Variants in MICAL2 observed in about 807,000 individuals in gnomAD.
The protein encoded by MICAL2 is [F-actin]-monooxygenase MICAL2.
A neutral mutation model predicts 127.3 loss-of-function variants in MICAL2; 77 were observed. The ratio of observed to expected loss-of-function variants is 0.60; its 90% CI spans 0.50 to 0.73. MICAL2 has a LOEUF of 0.73. Among genes scored for constraint, MICAL2 ranks in the 30% least tolerant of loss-of-function variants. MICAL2 has a pLI of 0.00. For missense variants in MICAL2, 1,351 were observed against 1,434.4 expected (o/e 0.94, Z 0.94); for synonymous variants, 570 against 551.1 (o/e 1.03, Z -0.48).
chr11:12,327,612 G>C (rs534825224), intron 32 of MICAL2, among the ~76,000 whole-genome samples: 23 of 152,178 alleles, frequency 1.5e-4, no homozygotes, highest in Non-Finnish European at 1.0e-4. Context: ...AGAAATATAT[G>C]GGTATTGGAG....
chr11:12,159,729 A>G (rs1248031495), intron 2 of MICAL2, among the ~76,000 whole-genome samples: 2 of 152,234 alleles, frequency 1.3e-5, no homozygotes, highest in Non-Finnish European at 2.9e-5. Context: ...AGATAGATAA[A>G]GACTGAGAAT....
At chr11:12,147,717 A>T (rs1296158248) in intron 2 of MICAL2, among the ~76,000 whole-genome samples, 1 of 152,342 alleles carries the variant, frequency 6.6e-6, no homozygotes. Flanking sequence ...TTCCCTTGGC[A>T]TCCACAGCAC....
chr11:12,224,842 GC>G, intron 13 of MICAL2, 22 bp downstream of exon 13: 1 of 1,594,554 alleles, frequency 6.3e-7, no homozygotes, highest in Non-Finnish European at 8.6e-7. Flanking sequence ...GCCCAGGCTG[GC>G]CCCTGGAGAC....
chr11:12,331,052 C>A (rs772230686), intron 32 of MICAL2, among the ~76,000 whole-genome samples: 63 of 152,048 alleles, frequency 4.1e-4, no homozygotes, highest in Admixed American at 1.1e-3. Context: ...GGGGCCCTAC[C>A]ACCTTCTGGA....
downstream of MICAL2, chr11:12,293,671 G>T: frequency 6.2e-7 from 1 of 1,614,126 alleles, no homozygotes; most frequent in Middle Eastern, 1.6e-4. Context: ...AAATTCCCCT[G>T]TATCTGCCTC....
intron 32 of MICAL2, among the ~76,000 whole-genome samples, chr11:12,336,617 G>T (rs1421794421): frequency 1.3e-5 from 2 of 152,070 alleles, no homozygotes; most frequent in Non-Finnish European, 2.9e-5. Context: ...ATTATTTTGA[G>T]ATACATCCCA....
chr11:12,136,599 C>T (rs16910606), intron 1 of MICAL2, among the ~76,000 whole-genome samples: 4,410 of 152,244 alleles, frequency 0.029, 207 homozygotes, highest in African/African-American at 0.1. Flanking sequence ...TCAAGCTCCT[C>T]ATTTTATGGA....
chr11:12,194,722 C>T (rs1859663191), intron 3 of MICAL2, among the ~76,000 whole-genome samples: 1 of 152,068 alleles, frequency 6.6e-6, no homozygotes, highest in East Asian at 1.9e-4. Flanking sequence ...CCAGGCCTTA[C>T]CCCTCGACTA....
At chr11:12,114,465 T>A (rs2133419611) in intron 1 of MICAL2, among the ~76,000 whole-genome samples, 1 of 152,336 alleles carries the variant, frequency 6.6e-6, no homozygotes, top group South Asian at 2.1e-4. Context: ...GGTCCTTTTA[T>A]GCCTGGTTTT....
Position 12,230,045 on chromosome 11 carries a change from G to A in MICAL2, c.1995+2914G>A, listed in dbSNP as rs2134364367. Among the ~76,000 whole-genome samples, 4 of 152,304 alleles carry A rather than the reference G, an allele frequency of 2.6e-5. No homozygotes were observed. The Middle Eastern group carries it at 0.014, about 518-fold the overall frequency. ...TGGGTGGGTTAGGTTGTTTCGTAAG[G>A]CTACTGGGTCACCACACTGTGCCTT... On this transcript the variant is annotated intron_variant, in intron 15 of 27. Coordinates refer to ENST00000683283, the MANE Select transcript of MICAL2 (RefSeq NM_001282663.2).
intron 32 of MICAL2, among the ~76,000 whole-genome samples, chr11:12,328,959 G>A (rs906537272): frequency 2.9e-5 from 1 of 34,166 alleles, no homozygotes; most frequent in Non-Finnish European, 7.6e-5. Context: ...TAACTGCATG[G>A]TTAATTTAGC....
intron 29 of MICAL2, among the ~76,000 whole-genome samples, chr11:12,299,739 A>G (rs1444187258): frequency 6.6e-6 from 1 of 152,214 alleles, no homozygotes; most frequent in Non-Finnish European, 1.5e-5. Context: ...AATTTTTGCA[A>G]AATGCACATT....
At chr11:12,226,429 G>C in intron 14 of MICAL2, 59 bp downstream of exon 14, 8 of 1,542,936 alleles carry the variant, frequency 5.2e-6, no homozygotes, top group Non-Finnish European at 7.1e-6. Context: ...CCCTGTCTCT[G>C]AGTCTGGCTG....
chr11:12,337,977 G>C (rs1938796073), intron 32 of MICAL2, among the ~76,000 whole-genome samples: 1 of 152,160 alleles, frequency 6.6e-6, no homozygotes, highest in Non-Finnish European at 1.5e-5. Context: ...GGTCCGCTTG[G>C]TGCAGAGCTG....
intron 17 of MICAL2, among the ~76,000 whole-genome samples, chr11:12,240,493 G>A (rs1324287879): frequency 3.9e-5 from 6 of 152,176 alleles, no homozygotes; most frequent in Non-Finnish European, 8.8e-5. Context: ...TGGGAGAACT[G>A]ACCTTCTCCA....
intron 32 of MICAL2, among the ~76,000 whole-genome samples, chr11:12,348,251 C>T (rs749961320): frequency 6.6e-6 from 1 of 150,782 alleles, no homozygotes; most frequent in Non-Finnish European, 1.5e-5. Flanking sequence ...CCATACCAAA[C>T]ACAATGCCTA....
At chr11:12,307,802 T>C (rs1864130198) in intron 29 of MICAL2, among the ~76,000 whole-genome samples, 1 of 152,214 alleles carries the variant, frequency 6.6e-6, no homozygotes, top group Non-Finnish European at 1.5e-5. Context: ...TACTCTCTAA[T>C]CTGCTCCATT....
chr11:12,236,147 G>C (rs374695318), intron 15 of MICAL2, 30 bp from the exon 16 acceptor site: 199 of 1,607,732 alleles, frequency 1.2e-4, no homozygotes, highest in Non-Finnish European at 1.6e-4. Flanking sequence ...GTGGCCCCCA[G>C]AGCTCACCCT....
chr11:12,150,408 C>A (rs932634312), intron 2 of MICAL2, among the ~76,000 whole-genome samples: 1 of 151,310 alleles, frequency 6.6e-6, no homozygotes. Context: ...ACCTGGGCAA[C>A]AGAGTGAGAT....
Sources: allele counts gnomAD v4.1 joint callset (sites outside exome capture counted in the v4.1 genomes callset), GRCh38; gene constraint gnomAD v4.1.1; transcripts MANE v1.5; gene names NCBI Gene and HGNC (gene_info 2026-07-23, HGNC 2026-07-21).